Variants in TMEM169 observed in about 807,000 individuals in gnomAD.
TMEM169 encodes the protein transmembrane protein 169.
In TMEM169, 18 loss-of-function variants were observed where a neutral mutation model predicts 27.3. That is an observed-to-expected ratio of 0.66 (90% CI 0.46 to 0.98). TMEM169 has a LOEUF of 0.98. TMEM169 is among the 50% of genes least tolerant of loss of function. TMEM169 has a pLI of 0.00. For synonymous variants in TMEM169, 136 were observed against 142.1 expected (o/e 0.96, Z 0.30); for missense variants, 320 against 368.6 (o/e 0.87, Z 1.08).
chr2:216,099,070 A>ATGTG lies in TMEM169; in HGVS notation c.272-841_272-838dup, dbSNP rs905518754. 7.3e-6 allele frequency among the ~76,000 whole-genome samples: 1 copy of ATGTG among 136,278 alleles called. No homozygotes were observed. The highest frequency in any genetic ancestry group is 2.8e-5 in the African/African-American group (1 of 35,556). The allele number at this position is 136,278 out of a possible 152,430, so 89.4% of individuals were successfully genotyped here. ...TGTATGTGTGGTGTGTGTGATGTGTATGTGTGTGTGTGGTGTGTTATGTGT... is the reference window on the plus strand; with the variant it reads ...TGTATGTGTGGTGTGTGTGATGTGTATGTGTGTGTGTGTGTGGTGTGTTATGTGT... On this transcript the variant is annotated intron_variant, in intron 2 of 2. Transcript: ENST00000437356. This position sits in a 1 kb window ranked among gnomAD's most constrained non-coding sequence, Gnocchi z 5.0.
rs753354284 is a variant in TMEM169, at chr2:216,102,661, A to G, written c.*2119A>G. On this transcript the variant is annotated 3_prime_UTR_variant, in exon 3 of 3. Coordinates refer to ENST00000437356, the MANE Select transcript of TMEM169 (RefSeq NM_001142311.2). Reference sequence around the variant, plus strand: ...TTAAATAACTATTATTAGCTTGACAAGAAAAAAAAAGTGCCCAACAGTTTT... The same window carrying G: ...TTAAATAACTATTATTAGCTTGACAGGAAAAAAAAAGTGCCCAACAGTTTT... 5.4e-5 allele frequency: 8 copies of G among 148,460 alleles called. No individual in the cohort carries two copies. The highest frequency in any genetic ancestry group is 8.8e-5 in the Non-Finnish European group (6 of 67,996). The allele number at this position is 148,460 out of a possible 1,614,324, so 9.2% of individuals were successfully genotyped here. A position where few individuals can be genotyped will look rare whatever the true frequency, so the allele number is the denominator to read the frequency against.
Position 216,092,452 on chromosome 2 carries a change from T to G in TMEM169, c.-126-3386T>G, listed in dbSNP as rs535889877. Among the ~76,000 whole-genome samples, 20 of 152,302 alleles carry G rather than the reference T, an allele frequency of 1.3e-4. No homozygotes were observed. The East Asian group carries it at 3.9e-3, about 29-fold the overall frequency. ...CATGAGCCACCGCACTTGGCCACTTTTTAATGTTTATAAGGCCCATTAATA... is the reference window on the plus strand; with the variant it reads ...CATGAGCCACCGCACTTGGCCACTTGTTAATGTTTATAAGGCCCATTAATA... On this transcript the variant is annotated intron_variant, in intron 1 of 2. Coordinates refer to ENST00000437356, the MANE Select transcript of TMEM169 (RefSeq NM_001142311.2).
At chr2:216,093,004 CACTT>C (rs1490737469) in intron 1 of TMEM169, among the ~76,000 whole-genome samples, 1 of 152,000 alleles carries the variant, frequency 6.6e-6, no homozygotes, top group African/African-American at 2.4e-5. Context: ...TAAACATAGA[CACTT>C]AGAGAGTAGA....
Position 216,095,976 on chromosome 2 carries a change from A to G in TMEM169, c.13A>G (p.Thr5Ala). The G allele has an allele frequency of 6.2e-7, 1 of 1,613,380 alleles. No individual in the cohort carries two copies. The highest frequency in any genetic ancestry group is 1.1e-5 in the South Asian group (1 of 91,054). The change falls in exon 2 of 3, where the codon ACA (threonine) becomes GCA (alanine). Residue 5 changes from threonine to alanine, a missense_variant. By Grantham distance (58) the Thr-to-Ala change is moderately conservative (BLOSUM62 0). Transcript: ENST00000437356. ...CGTCAGGTCTGGAATGGAAGAGCCA[A>G]CAGCAGTAGAAGGCCAGGTCCAGCT... MEEP[T>A]AVEGQVQLPS... is the part of the protein sequence containing the mutation.
At chr2:216,091,156 G>A (rs1006173332) in intron 1 of TMEM169, among the ~76,000 whole-genome samples, 3 of 152,192 alleles carry the variant, frequency 2.0e-5, no homozygotes, top group Non-Finnish European at 4.4e-5. Context: ...GTTATGGTAT[G>A]GTTTGTTTTC....
Position 216,100,675 on chromosome 2 carries a change from T to C in TMEM169, c.*133T>C. On this transcript the variant is annotated 3_prime_UTR_variant, in exon 3 of 3. Coordinates refer to ENST00000437356, the MANE Select transcript of TMEM169 (RefSeq NM_001142311.2). ...GGAAATCAGAGTCCATACTGATCAG[T>C]TTTACCATCTTGAGGGTTCCAGGAG... The C allele has an allele frequency of 7.9e-7, 1 of 1,269,966 alleles. No homozygotes were observed. The allele number at this position is 1,269,966 out of a possible 1,614,324, so 78.7% of individuals were successfully genotyped here.
chr2:216,093,310 C>T (rs1435152285), intron 1 of TMEM169, among the ~76,000 whole-genome samples: 1 of 152,076 alleles, frequency 6.6e-6, no homozygotes, highest in African/African-American at 2.4e-5. Flanking sequence ...GCCTGCTCAG[C>T]ATTCTAATGG....
In TMEM169 at chr2:216,099,545, C is replaced by T. The variant is rs149285460; in HGVS notation, c.272-375C>T. ...GTCCATCAGTCCAGTATCTTCACAG[C>T]ACTTGTTACCTAGAAATAGGATCAT... On this transcript the variant is annotated intron_variant, in intron 2 of 2. Coordinates refer to ENST00000437356, the MANE Select transcript of TMEM169 (RefSeq NM_001142311.2). The surrounding 1 kb of genome is among the most constrained non-coding windows in gnomAD (Gnocchi z 5.0). Among the ~76,000 whole-genome samples, 6 of 152,124 alleles carry T rather than the reference C, an allele frequency of 3.9e-5. No individual in the cohort carries two copies. Among genetic ancestry groups the T allele is most frequent in the African/African-American group, 1.4e-4 (6 of 41,464 alleles).
At chr2:216,093,633 T>C (rs1350192674) in intron 1 of TMEM169, among the ~76,000 whole-genome samples, 1 of 152,002 alleles carries the variant, frequency 6.6e-6, no homozygotes, top group Non-Finnish European at 1.5e-5. Context: ...ATAAAGTTAA[T>C]TTAGATCCAA....
At chr2:216,093,125 A>AGTTGTGTGT (rs748583380) in intron 1 of TMEM169, among the ~76,000 whole-genome samples, 195 of 145,910 alleles carry the variant, frequency 1.3e-3, no homozygotes, top group African/African-American at 4.9e-3. Context: ...GTAATAATGA[A>AGTTGTGTGT]GTGTGTGTGT....
chr2:216,088,700 G>T (rs1696062897), intron 1 of TMEM169, among the ~76,000 whole-genome samples: 1 of 152,170 alleles, frequency 6.6e-6, no homozygotes, highest in Admixed American at 6.5e-5. Context: ...AATATTTTTT[G>T]AATGTGTAAT....
intron 2 of TMEM169, among the ~76,000 whole-genome samples, chr2:216,097,589 AATT>A (rs1559228953): frequency 1.3e-5 from 2 of 151,864 alleles, no homozygotes; most frequent in African/African-American, 4.8e-5. Context: ...AAATAATAAT[AATT>A]ATTATTATTG....
At position 216,100,344 on chromosome 2, in the gene TMEM169, C is replaced by A; in HGVS notation, c.696C>A (p.Val232=). ...CCCTCGGCCTCTACGCTGCTGTGGT[C>A]CAGCTCTCGTGGTCCTGGGAAGCAT... is the stretch of plus-strand genomic sequence containing the variant. The part of the protein sequence containing the change: ...ASSLGLYAAV[V]QLSWSWEAWW... Residue 232 remains valine (V), a synonymous_variant, in exon 3 of 3, where the codon GTC becomes GTA. Transcript: ENST00000437356. 6.2e-7 allele frequency: 1 copy of A among 1,613,984 alleles called. No individual in the cohort carries two copies. Among genetic ancestry groups the A allele is most frequent in the Non-Finnish European group, 8.5e-7 (1 of 1,180,002 alleles).
rs1696338520 is a variant in TMEM169 at position 216,099,532 on chromosome 2, A to G, written c.272-388A>G. On this transcript the variant is annotated intron_variant, in intron 2 of 2. Coordinates refer to ENST00000437356, the MANE Select transcript of TMEM169 (RefSeq NM_001142311.2). This position sits in a 1 kb window ranked among gnomAD's most constrained non-coding sequence, Gnocchi z 5.0. The stretch of plus-strand genomic sequence containing the variant: ...GAAGGTGGTGGCCGTCCATCAGTCC[A>G]GTATCTTCACAGCACTTGTTACCTA... Among the ~76,000 whole-genome samples the G allele has an allele frequency of 2.0e-5, 3 of 152,052 alleles. No homozygotes were observed. The highest frequency in any genetic ancestry group is 1.3e-4 in the Admixed American group (2 of 15,264).
Position 216,099,195 on chromosome 2 carries a change from T to C in TMEM169, c.272-725T>C, listed in dbSNP as rs924011762. Reference sequence around the variant, plus strand: ...GTGTGGGGAGGTTGTGTGTGGCATGTGTGTGGTGTATGTGTTATGTATGGT... The same window carrying C: ...GTGTGGGGAGGTTGTGTGTGGCATGCGTGTGGTGTATGTGTTATGTATGGT... On this transcript the variant is annotated intron_variant, in intron 2 of 2. Transcript: ENST00000437356. The surrounding 1 kb of genome is among the most constrained non-coding windows in gnomAD (Gnocchi z 5.0). Among the ~76,000 whole-genome samples, 1 of 151,206 alleles carries C rather than the reference T, an allele frequency of 6.6e-6. No homozygotes were observed. Among genetic ancestry groups the C allele is most frequent in the African/African-American group, 2.4e-5 (1 of 41,100 alleles).
chr2:216,088,335 G>A (rs2105980512), intron 1 of TMEM169, among the ~76,000 whole-genome samples: 1 of 151,850 alleles, frequency 6.6e-6, no homozygotes, highest in South Asian at 2.1e-4. Flanking sequence ...GTGGTGGTGG[G>A]CGCCTGTAGT....
chr2:216,097,122 A>T (rs1324566345), intron 2 of TMEM169, among the ~76,000 whole-genome samples: 1 of 152,240 alleles, frequency 6.6e-6, no homozygotes, highest in South Asian at 2.1e-4. Context: ...TGCATACCTC[A>T]TGACCCAGAA....
chr2:216,088,435 G>A (rs769703188), intron 1 of TMEM169, among the ~76,000 whole-genome samples: 3 of 152,376 alleles, frequency 2.0e-5, no homozygotes, highest in Middle Eastern at 3.4e-3. Context: ...CTACACTCCA[G>A]CTTGGGCGAC....
chr2:216,088,779 A>T (rs777418439), intron 1 of TMEM169, among the ~76,000 whole-genome samples: 2 of 152,222 alleles, frequency 1.3e-5, no homozygotes, highest in Non-Finnish European at 2.9e-5. Context: ...GGTAAATTCC[A>T]TAAATGTTGT....
Sources: allele counts gnomAD v4.1 joint callset (sites outside exome capture counted in the v4.1 genomes callset), GRCh38; gene constraint gnomAD v4.1.1; non-coding constraint Gnocchi (gnomAD v3.1); transcripts MANE v1.5; gene names NCBI Gene and HGNC (gene_info 2026-07-23, HGNC 2026-07-21).